Variants in PMM1 observed in about 807,000 individuals in gnomAD.
PMM1 encodes the protein phosphomannomutase 1, also known as brain glucose-1,6-bisphosphatase.
In PMM1, 25 loss-of-function variants were observed where a neutral mutation model predicts 34.0. The observed-to-expected ratio is 0.73, with a 90% CI of 0.54 to 1.03. PMM1 has a LOEUF of 1.03. Ranked by LOEUF, PMM1 falls within the 50% of genes least tolerant of loss-of-function variation. PMM1 has a pLI of 0.00. For missense variants in PMM1, 321 were observed against 350.1 expected, an observed-to-expected ratio of 0.92 and a Z score of 0.66; for synonymous variants, 134 against 143.9, an observed-to-expected ratio of 0.93 and a Z score of 0.49.
intron 2 of PMM1, chr22:41,585,124 G>C (rs2067293195): frequency 6.5e-6 from 1 of 152,770 alleles, no homozygotes; most frequent in African/African-American, 2.4e-5. Flanking sequence ...GGCTGTTGCG[G>C]GGTCTGGGTG....
In PMM1 at chr22:41,582,406, C is replaced by G. The variant is rs147438823; in HGVS notation, c.474+1553G>C. ...CCTGAGAGATCGAGGCTGCAGTGAGCTAGGACTGGATCACTGCACTGCACT... is the reference window on the plus strand; with the variant it reads ...CCTGAGAGATCGAGGCTGCAGTGAGGTAGGACTGGATCACTGCACTGCACT... On this transcript the variant is annotated intron_variant, in intron 5 of 7. Coordinates refer to ENST00000216259, the MANE Select transcript of PMM1 (RefSeq NM_002676.3). Among the ~76,000 whole-genome samples the G allele has an allele frequency of 6.8e-3, 1,040 of 152,126 alleles. 11 individuals are homozygous for G. Among genetic ancestry groups the G allele is most frequent in the African/African-American group, 0.023 (971 of 41,478 alleles).
chr22:41,589,525 TGC>T lies in PMM1; in HGVS notation c.87+192_87+193del, dbSNP rs2067355580. 5.0e-6 allele frequency: 3 copies of T among 604,002 alleles called. No individual in the cohort carries two copies. The South Asian group carries it at 5.9e-5, about 12-fold the overall frequency. 37.4% of individuals were successfully genotyped at this position (604,002 alleles called of 1,614,324 possible). On this transcript the variant is annotated intron_variant, in intron 1 of 7. Transcript: ENST00000216259. Reference sequence around the variant, plus strand: ...CCAAGCAGAACACAGGCAAGGACGCTGCGGGGTCAGTGACGTGAGGGCCAGGT... The same window carrying T: ...CCAAGCAGAACACAGGCAAGGACGCTGGGGTCAGTGACGTGAGGGCCAGGT...
At chr22:41,581,980 T>C (rs1391017092) in intron 5 of PMM1, among the ~76,000 whole-genome samples, 1 of 148,780 alleles carries the variant, frequency 6.7e-6, no homozygotes, top group African/African-American at 2.5e-5. Context: ...CAAGACTCTG[T>C]CTAAAAAAAA....
intron 7 of PMM1, 52 bp downstream of exon 7, chr22:41,577,756 G>T: frequency 7.2e-7 from 1 of 1,382,666 alleles, no homozygotes; most frequent in Non-Finnish European, 1.0e-6. Context: ...CACCAGACCT[G>T]GCTTCTCACT....
chr22:41,577,581 C>CT, intron 7 of PMM1, 141 bp from the exon 8 acceptor site: 1 of 1,029,854 alleles, frequency 9.7e-7, no homozygotes, highest in Non-Finnish European at 1.4e-6. Flanking sequence ...CCTGCCCTGA[C>CT]TTGCTGTGTG....
intron 2 of PMM1, chr22:41,584,823 A>G (rs1219232483): frequency 1.9e-6 from 1 of 516,972 alleles, no homozygotes; most frequent in Non-Finnish European, 3.4e-6. Flanking sequence ...GCACACAGGC[A>G]TCCATGCAGG....
intron 1 of PMM1, chr22:41,589,087 C>T: frequency 7.7e-7 from 1 of 1,303,928 alleles, no homozygotes; most frequent in South Asian, 1.2e-5. Flanking sequence ...AGCAAACAGG[C>T]TAGGCCTGGA....
chr22:41,586,484 C>T lies in PMM1; in HGVS notation c.88-291G>A, dbSNP rs528701592. 3.2e-5 allele frequency: 12 copies of T among 370,476 alleles called. No individual in the cohort carries two copies. In the East Asian group the frequency reaches 5.7e-4, roughly 18 times the overall value. 22.9% of individuals were successfully genotyped at this position (370,476 alleles called of 1,614,324 possible). A position where few individuals can be genotyped will look rare whatever the true frequency, so the allele number is the denominator to read the frequency against. On this transcript the variant is annotated intron_variant, in intron 1 of 7. Transcript: ENST00000216259. ...ATGAAAAAAAAAATTTTTTTGGAGA[C>T]GAATTTTTGTTCTGTCATCCAGGCT...
At chr22:41,579,222 T>A in intron 5 of PMM1, 1 of 284,206 alleles carries the variant, frequency 3.5e-6, no homozygotes, top group Non-Finnish European at 7.0e-6. Flanking sequence ...CAGGGCTCGA[T>A]CCTGTTATCT....
rs756930819 is a variant in PMM1 at position 41,584,593 on chromosome 22, C to A, written c.216G>T (p.Lys72Asn). 2.5e-6 allele frequency: 4 copies of A among 1,613,584 alleles called. No individual in the cohort carries two copies. The highest frequency in any genetic ancestry group is 3.4e-6 in the Non-Finnish European group (4 of 1,179,692). ...CGTTCTCGGCAAACACATAATCAAA[C>A]TTCTCAATGACTTCAGGGTCACATA... Reference protein sequence around the residue: ...QLGDGDEVIEKFDYVFAENGT... With the variant: ...QLGDGDEVIENFDYVFAENGT... Residue 72 changes from lysine (K) to asparagine (N), a missense_variant, in exon 3 of 8, where the codon AAG (lysine) becomes AAT (asparagine). Physicochemically the swap from Lys to Asn is moderately conservative, Grantham distance 94. Transcript: ENST00000216259.
At chr22:41,579,018 G>T in intron 5 of PMM1, 137 bp from the exon 6 acceptor site, 1 of 685,960 alleles carries the variant, frequency 1.5e-6, no homozygotes, top group Admixed American at 2.3e-5. Context: ...GCAAACTAAG[G>T]CTCAGAGAGG....
In PMM1 at chr22:41,586,942, ACT is replaced by A. The variant is rs1429475899; in HGVS notation, c.88-751_88-750del. 4.2e-5 allele frequency among the ~76,000 whole-genome samples: 6 copies of A among 143,338 alleles called. No individual in the cohort carries two copies. The South Asian group carries it at 6.7e-4, about 16-fold the overall frequency. 94.0% of individuals were successfully genotyped at this position (143,338 alleles called of 152,430 possible). On this transcript the variant is annotated intron_variant, in intron 1 of 7. Coordinates refer to ENST00000216259, the MANE Select transcript of PMM1 (RefSeq NM_002676.3). ...AGACCAGCCTGGCCAACATGGTGAA[ACT>A]CTGTTTCTACTAAAAATTAAAAAAA... is the stretch of plus-strand genomic sequence containing the variant.
intron 5 of PMM1, chr22:41,579,988 C>G (rs1199725283): frequency 6.6e-6 from 1 of 152,408 alleles, no homozygotes; most frequent in African/African-American, 2.4e-5. Context: ...GCCTGGCTTT[C>G]CAGCAGGTAG....
chr22:41,587,405 A>C (rs1225531864), intron 1 of PMM1, among the ~76,000 whole-genome samples: 1 of 146,388 alleles, frequency 6.8e-6, no homozygotes, highest in African/African-American at 2.6e-5. Flanking sequence ...ATGCCATCGC[A>C]CTCCAGCCTG....
chr22:41,586,472 T>A (rs567832981), intron 1 of PMM1: 45 of 402,614 alleles, frequency 1.1e-4, no homozygotes, highest in East Asian at 4.9e-4. Flanking sequence ...AAAAAAAAAA[T>A]TTTTTTGGAG....
chr22:41,578,417 A>C (rs1185889841), intron 6 of PMM1, among the ~76,000 whole-genome samples: 1 of 151,948 alleles, frequency 6.6e-6, no homozygotes, highest in African/African-American at 2.4e-5. Flanking sequence ...AGGGGAGCCC[A>C]GTTGTGTCAG....
intron 5 of PMM1, among the ~76,000 whole-genome samples, chr22:41,581,691 T>C (rs1601489237): frequency 6.6e-6 from 1 of 151,598 alleles, no homozygotes; most frequent in African/African-American, 2.4e-5. Context: ...CCATCTCTAC[T>C]AAAATACAAA....
Position 41,577,218 on chromosome 22 carries a change from G to A in PMM1, c.*100C>T. The stretch of plus-strand genomic sequence containing the variant: ...TGGGTGGGCTTGCAGCAGGCGTCCT[G>A]GGCCAGAGGAGGGGCCCTGGCATCT... On this transcript the variant is annotated 3_prime_UTR_variant, in exon 8 of 8. Transcript: ENST00000216259. 6.6e-7 allele frequency: 1 copy of A among 1,524,062 alleles called. No individual in the cohort carries two copies. The highest frequency in any genetic ancestry group is 9.0e-7 in the Non-Finnish European group (1 of 1,109,906). 94.4% of individuals were successfully genotyped at this position (1,524,062 alleles called of 1,614,324 possible).
intron 7 of PMM1, 32 bp downstream of exon 7, chr22:41,577,776 G>T (rs77937657): frequency 1.3e-6 from 2 of 1,537,252 alleles, no homozygotes; most frequent in Non-Finnish European, 1.8e-6. Context: ...TGTCCACTGC[G>T]TTAGGGGAAA....
Sources: allele counts gnomAD v4.1 joint callset (sites outside exome capture counted in the v4.1 genomes callset), GRCh38; gene constraint gnomAD v4.1.1; transcripts MANE v1.5; gene names NCBI Gene and HGNC (gene_info 2026-07-23, HGNC 2026-07-21).